Variants in PHYKPL observed in about 807,000 individuals in gnomAD.
The protein encoded by PHYKPL is 5-phosphonooxy-L-lysine phospho-lyase.
A neutral mutation model predicts 51.3 loss-of-function variants in PHYKPL; 42 were observed. The observed-to-expected ratio is 0.82, with a 90% CI of 0.64 to 1.06. The LOEUF is 1.06. Among genes scored for constraint, PHYKPL ranks in the 50% least tolerant of loss-of-function variants. The pLI, the probability that PHYKPL is intolerant of heterozygous loss-of-function variation, is 0.00. For synonymous variants in PHYKPL, 264 were observed against 236.0 expected (o/e 1.12, Z -1.09); for missense variants, 655 against 586.6 (o/e 1.12, Z -1.20).
intron 8 of PHYKPL, among the ~76,000 whole-genome samples, chr5:178,219,508 G>A (rs898382874): frequency 3.6e-4 from 54 of 151,086 alleles, no homozygotes; most frequent in Non-Finnish European, 3.4e-4. Context: ...GGAGTGCAGT[G>A]GCGCAATCTC....
chr5:178,228,343 CT>C (rs1762690115), intron 3 of PHYKPL: 1 of 582,380 alleles, frequency 1.7e-6, no homozygotes, highest in Non-Finnish European at 3.0e-6. Flanking sequence ...TGACAGACCA[CT>C]TCCGGAGAGT....
rs535552555 is a variant in PHYKPL at position 178,217,278 on chromosome 5, T to C, written c.928-1848A>G. ...CGCTGTCACCCAGGATGGAGTGCAG[T>C]GGTGCGATCTCAGCAAACTGCAGCT... On this transcript the variant is annotated intron_variant, in intron 8 of 12. Transcript: ENST00000308158. 1.3e-3 allele frequency among the ~76,000 whole-genome samples: 199 copies of C among 150,236 alleles called. 1 individual carries two copies. Among genetic ancestry groups the C allele is most frequent in the African/African-American group, 4.6e-3 (186 of 40,852 alleles).
Position 178,232,712 on chromosome 5 carries a change from A to G in PHYKPL, c.-162T>C. 1.2e-6 allele frequency: 1 copy of G among 800,552 alleles called. No homozygotes were observed. The highest frequency in any genetic ancestry group is 1.7e-6 in the Non-Finnish European group (1 of 600,286). The allele number at this position is 800,552 out of a possible 1,614,324, so 49.6% of individuals were successfully genotyped here. On this transcript the variant is annotated 5_prime_UTR_variant, in exon 1 of 13. An upstream start codon of the reference 5' UTR is lost. Transcript: ENST00000308158. The stretch of plus-strand genomic sequence containing the variant: ...CGAAGCGCCCGCGTTGCGGTGGTTC[A>G]TTTCTTCGCTTGCCCACTGGGCCTG...
At chr5:178,232,346 G>T in intron 1 of PHYKPL, 146 bp downstream of exon 1, 17 of 1,275,562 alleles carry the variant, frequency 1.3e-5, no homozygotes, top group Non-Finnish European at 1.7e-5. Context: ...AAGCTCCAGC[G>T]GGGCCGGGGC....
intron 12 of PHYKPL, 118 bp downstream of exon 12, chr5:178,211,772 A>C: frequency 1.5e-6 from 1 of 658,210 alleles, no homozygotes; most frequent in Non-Finnish European, 2.7e-6. Context: ...TTTGGGAAGG[A>C]GCATCAGTCA....
rs1359819007 is a variant in PHYKPL, at chr5:178,208,522, T to C, written c.*425A>G. 1 of 152,204 alleles carries C rather than the reference T, an allele frequency of 6.6e-6. No individual in the cohort carries two copies. Among genetic ancestry groups the C allele is most frequent in the Non-Finnish European group, 1.5e-5 (1 of 68,040 alleles). The allele number at this position is 152,204 out of a possible 1,614,324, so 9.4% of individuals were successfully genotyped here. A position where few individuals can be genotyped will look rare whatever the true frequency, so the allele number is the denominator to read the frequency against. On this transcript the variant is annotated 3_prime_UTR_variant, in exon 13 of 13. Transcript: ENST00000308158. The stretch of plus-strand genomic sequence containing the variant: ...TTGGTTATATTCAGTATTTTTAATT[T>C]AGTAGGATAGAATATATCAGATTGC...
At chr5:178,232,822 C>T (rs1188359953), upstream of PHYKPL, 4 of 293,208 alleles carry the variant, frequency 1.4e-5, no homozygotes, top group Non-Finnish European at 1.9e-5. Context: ...GGACGCGCCC[C>T]GGGCCTCGCC....
At chr5:178,225,260 C>T in intron 4 of PHYKPL, 95 bp downstream of exon 4, 2 of 1,448,514 alleles carry the variant, frequency 1.4e-6, no homozygotes, top group Non-Finnish European at 1.9e-6. Flanking sequence ...GCCCCTTATC[C>T]TCCCTGCCTA....
intron 1 of PHYKPL, 166 bp downstream of exon 1, chr5:178,232,326 C>G (rs1052559313): frequency 6.3e-6 from 8 of 1,266,572 alleles, no homozygotes; most frequent in African/African-American, 3.1e-5. Context: ...CCGCCCGCCT[C>G]GGGCCCTAGA....
At chr5:178,212,615 C>T (rs770762818) in intron 11 of PHYKPL, among the ~76,000 whole-genome samples, 6 of 152,240 alleles carry the variant, frequency 3.9e-5, no homozygotes. Context: ...GAATGAAACT[C>T]CTGCCATCTC....
intron 12 of PHYKPL, chr5:178,210,189 A>T: frequency 6.2e-7 from 1 of 1,613,108 alleles, no homozygotes; most frequent in Non-Finnish European, 8.5e-7. Flanking sequence ...GGCTACGGCT[A>T]CCAGCAGGGC....
chr5:178,231,736 C>T (rs1466944496), intron 1 of PHYKPL: 2 of 1,523,270 alleles, frequency 1.3e-6, no homozygotes, highest in South Asian at 1.2e-5. Flanking sequence ...GCTGAAACTT[C>T]GGATTGTTTC....
In PHYKPL at chr5:178,222,383, T is replaced by C; in HGVS notation, c.899A>G (p.Glu300Gly). 6.2e-7 allele frequency: 1 copy of C among 1,613,738 alleles called. No homozygotes were observed. Among genetic ancestry groups the C allele is most frequent in the Non-Finnish European group, 8.5e-7 (1 of 1,179,630 alleles). ...GTTGAAGTACTCAACGCCGGTGGCT[T>C]CAAATGCCCTCGCCACAGGCTGGGT... ...AATQPVARAF[E>G]ATGVEYFNTF... Residue 300 changes from glutamate (E) to glycine (G), a missense_variant, in exon 8 of 13, where the codon GAA becomes GGA. Coordinates refer to ENST00000308158, the MANE Select transcript of PHYKPL (RefSeq NM_153373.4).
chr5:178,209,768 G>A (rs1757619282), intron 12 of PHYKPL, among the ~76,000 whole-genome samples: 1 of 152,140 alleles, frequency 6.6e-6, no homozygotes, highest in African/African-American at 2.4e-5. Flanking sequence ...AGAAGGGTGG[G>A]TAGGGCAGAG....
In PHYKPL at chr5:178,222,587, C is replaced by A. The variant is rs748277104; in HGVS notation, c.702-7G>T. On this transcript the variant is annotated splice_polypyrimidine_tract_variant and splice_region_variant and intron_variant, in intron 7 of 12. Coordinates refer to ENST00000308158, the MANE Select transcript of PHYKPL (RefSeq NM_153373.4). ...TCCGGCCTTGCGGATGTGCCTGTGGCAGAGGAGATGACTGACACGGGGGCT... is the reference window on the plus strand; with the variant it reads ...TCCGGCCTTGCGGATGTGCCTGTGGAAGAGGAGATGACTGACACGGGGGCT... 1.2e-6 allele frequency: 2 copies of A among 1,613,472 alleles called. No homozygotes were observed. Among genetic ancestry groups the A allele is most frequent in the Non-Finnish European group, 1.7e-6 (2 of 1,179,440 alleles).
chr5:178,213,119 A>AC lies in PHYKPL; in HGVS notation c.1173-17dup. ...CTCCTTCAGCCTGTGAGGACAGGAC[A>AC]CCCCTTCACATGGCCTTCAAGGCCT... On this transcript the variant is annotated splice_polypyrimidine_tract_variant and intron_variant, in intron 10 of 12. Transcript: ENST00000308158. The AC allele has an allele frequency of 6.2e-7, 1 of 1,612,910 alleles. No homozygotes were observed. Among genetic ancestry groups the AC allele is most frequent in the Non-Finnish European group, 8.5e-7 (1 of 1,179,412 alleles).
chr5:178,230,732 C>T (rs560752187), intron 2 of PHYKPL: 128 of 153,890 alleles, frequency 8.3e-4, no homozygotes, highest in Non-Finnish European at 1.6e-3. Context: ...GTGCCAGGCA[C>T]ATTCAGAGCA....
downstream of PHYKPL, among the ~76,000 whole-genome samples, chr5:178,208,318 A>C (rs1407572410): frequency 6.6e-6 from 1 of 152,054 alleles, no homozygotes; most frequent in South Asian, 2.1e-4. Flanking sequence ...GATAGTCTTA[A>C]ATTTTCTATA....
intron 9 of PHYKPL, 41 bp downstream of exon 9, chr5:178,215,235 C>T (rs1428555401): frequency 1.2e-6 from 2 of 1,613,328 alleles, no homozygotes; most frequent in African/African-American, 2.7e-5. Flanking sequence ...CCACACTGGG[C>T]CTTGGCAGGT....
Sources: allele counts gnomAD v4.1 joint callset (sites outside exome capture counted in the v4.1 genomes callset), GRCh38; gene constraint gnomAD v4.1.1; transcripts MANE v1.5; gene names NCBI Gene and HGNC (gene_info 2026-07-23, HGNC 2026-07-21).